PPM1H: variants seen among roughly 807,000 people sequenced by gnomAD.
The protein encoded by PPM1H is protein phosphatase, Mg2+/Mn2+ dependent 1H, also known as protein phosphatase 1H.
A neutral mutation model predicts 54.9 loss-of-function variants in PPM1H; 27 were observed. The observed-to-expected ratio is 0.49, with a 90% CI of 0.36 to 0.68. The LOEUF is 0.68. Ranked by LOEUF, PPM1H falls within the 30% of genes least tolerant of loss-of-function variation. The probability of loss-of-function intolerance (pLI) is 0.00; values close to 1 mark genes in which losing one functional copy is unlikely to be tolerated. For synonymous variants in PPM1H, 305 were observed against 270.8 expected (o/e 1.13, Z -1.24); for missense variants, 596 against 667.8 (o/e 0.89, Z 1.19).
intron 6 of PPM1H, among the ~76,000 whole-genome samples, chr12:62,702,924 G>A (rs2076152114): frequency 6.6e-6 from 1 of 152,204 alleles, no homozygotes; most frequent in South Asian, 2.1e-4. Context: ...ATCGTCATGT[G>A]AACTGGCTGT....
chr12:62,646,934 T>A lies in PPM1H; in HGVS notation c.*1555A>T, dbSNP rs569742971. The A allele has an allele frequency of 6.6e-6, 1 of 152,226 alleles. No individual in the cohort carries two copies. Among genetic ancestry groups the A allele is most frequent in the Non-Finnish European group, 1.5e-5 (1 of 68,040 alleles). The allele number at this position is 152,226 out of a possible 1,614,324, so 9.4% of individuals were successfully genotyped here. A position where few individuals can be genotyped will look rare whatever the true frequency, so the allele number is the denominator to read the frequency against. On this transcript the variant is annotated 3_prime_UTR_variant, in exon 10 of 10. Transcript: ENST00000228705. ...AATATGAGAACTGGAATTAGCTCTC[T>A]AGCATGCTGGGGGGGTCACGTCAGT...
intron 6 of PPM1H, among the ~76,000 whole-genome samples, chr12:62,697,569 C>T (rs1195891533): frequency 6.6e-6 from 1 of 152,064 alleles, no homozygotes; most frequent in Non-Finnish European, 1.5e-5. Flanking sequence ...TATTATAGTC[C>T]ATGTCAAGGC....
intron 2 of PPM1H, among the ~76,000 whole-genome samples, chr12:62,809,530 G>T (rs528847131): frequency 1.3e-5 from 2 of 152,188 alleles, no homozygotes; most frequent in Non-Finnish European, 2.9e-5. Context: ...CTTCATCAAG[G>T]TTAGGGGTCT....
chr12:62,798,956 C>A (rs1476947924), intron 3 of PPM1H, among the ~76,000 whole-genome samples: 2 of 152,214 alleles, frequency 1.3e-5, no homozygotes, highest in Non-Finnish European at 2.9e-5. Flanking sequence ...TATTTCCCCT[C>A]TCAAGGCTCC....
chr12:62,890,328 C>A (rs1019852394), intron 1 of PPM1H, among the ~76,000 whole-genome samples: 3 of 151,962 alleles, frequency 2.0e-5, no homozygotes, highest in African/African-American at 7.3e-5. Flanking sequence ...TGTGGTTGTG[C>A]ACACCTGTAG....
intron 6 of PPM1H, among the ~76,000 whole-genome samples, chr12:62,705,963 G>A (rs188942821): frequency 2.0e-5 from 3 of 152,236 alleles, no homozygotes; most frequent in African/African-American, 7.2e-5. Context: ...CCTCTGTGTC[G>A]GCCCTTGCGG....
chr12:62,796,495 T>C (rs1350542331), intron 3 of PPM1H, among the ~76,000 whole-genome samples: 1 of 152,222 alleles, frequency 6.6e-6, no homozygotes, highest in Non-Finnish European at 1.5e-5. Flanking sequence ...AAAAATTTAC[T>C]TACATTTGCT....
intron 1 of PPM1H, among the ~76,000 whole-genome samples, chr12:62,891,745 G>C (rs528782390): frequency 1.1e-4 from 16 of 152,266 alleles, no homozygotes; most frequent in Admixed American, 9.8e-4. Context: ...GTCGAGTCTT[G>C]CCGAAAGAAT....
chr12:62,669,216 T>A (rs953644931), intron 8 of PPM1H, among the ~76,000 whole-genome samples: 14 of 152,224 alleles, frequency 9.2e-5, no homozygotes, highest in Non-Finnish European at 1.9e-4. Flanking sequence ...GACCAGAAAG[T>A]CCCAAATGTC....
At chr12:62,672,333 C>T (rs900084969) in intron 8 of PPM1H, among the ~76,000 whole-genome samples, 1 of 152,184 alleles carries the variant, frequency 6.6e-6, no homozygotes, top group Non-Finnish European at 1.5e-5. Flanking sequence ...ATGATCTGAT[C>T]ACAACAAAGG....
At chr12:62,744,710 G>T (rs1269874643) in intron 4 of PPM1H, among the ~76,000 whole-genome samples, 1 of 152,268 alleles carries the variant, frequency 6.6e-6, no homozygotes, top group Non-Finnish European at 1.5e-5. Flanking sequence ...AGGCCTCACG[G>T]GGGAAGCTGC....
At chr12:62,824,197 T>G (rs1019051562) in intron 2 of PPM1H, among the ~76,000 whole-genome samples, 1 of 152,150 alleles carries the variant, frequency 6.6e-6, no homozygotes, top group Admixed American at 6.5e-5. Context: ...TTACAAGGGA[T>G]GTGAAGGGCC....
Position 62,667,223 on chromosome 12 carries a change from G to A in PPM1H, c.1352C>T (p.Ala451Val), listed in dbSNP as rs1443618515. 2 of 1,600,584 alleles carry A rather than the reference G, an allele frequency of 1.2e-6. No homozygotes were observed. Among genetic ancestry groups the A allele is most frequent in the Admixed American group, 1.7e-5 (1 of 59,952 alleles). Reference sequence around the variant, plus strand: ...ACAGTTAGGAAGAAACTGAGTGATTGCTTCTGCTACTTCTTCATTTGATAA... The same window carrying A: ...ACAGTTAGGAAGAAACTGAGTGATTACTTCTGCTACTTCTTCATTTGATAA... Reference protein sequence around the residue: ...DVLSNEEVAEAITQFLPNCDP... With the variant: ...DVLSNEEVAEVITQFLPNCDP... The change falls in exon 9 of 10, where the codon GCA (alanine) becomes GTA (valine). Residue 451 changes from alanine to valine, a missense_variant. Coordinates refer to ENST00000228705, the MANE Select transcript of PPM1H (RefSeq NM_020700.2).
At chr12:62,850,335 TA>T (rs1274140600) in intron 1 of PPM1H, among the ~76,000 whole-genome samples, 6 of 152,162 alleles carry the variant, frequency 3.9e-5, no homozygotes, top group African/African-American at 1.4e-4. Context: ...TTTTTGTAGT[TA>T]AAGATTTACT....
chr12:62,759,573 C>T (rs144742380), intron 4 of PPM1H, among the ~76,000 whole-genome samples: 170 of 152,318 alleles, frequency 1.1e-3, no homozygotes, highest in African/African-American at 3.8e-3. Flanking sequence ...TTAATCATTG[C>T]GGGGACGCCT....
At chr12:62,704,128 G>C (rs1188188572) in intron 6 of PPM1H, among the ~76,000 whole-genome samples, 1 of 151,892 alleles carries the variant, frequency 6.6e-6, no homozygotes, top group Non-Finnish European at 1.5e-5. Flanking sequence ...CTTTGCCTTT[G>C]GATGGAAACT....
At position 62,657,793 on chromosome 12, in the gene PPM1H, C is replaced by T. The variant is rs776988196; in HGVS notation, c.1398-9157G>A. On this transcript the variant is annotated intron_variant, in intron 9 of 9. Transcript: ENST00000228705. Reference sequence around the variant, plus strand: ...AACTAGCATTTAATACTTGAATTAACGCCTGTTGTCAGTGTTGGTGTTTTA... The same window carrying T: ...AACTAGCATTTAATACTTGAATTAATGCCTGTTGTCAGTGTTGGTGTTTTA... Among the ~76,000 whole-genome samples, 25 of 152,216 alleles carry T rather than the reference C, an allele frequency of 1.6e-4. 1 individual carries two copies. The highest frequency in any genetic ancestry group is 1.0e-3 in the South Asian group (5 of 4,824).
At chr12:62,886,923 G>A (rs769344410) in intron 1 of PPM1H, among the ~76,000 whole-genome samples, 1 of 152,224 alleles carries the variant, frequency 6.6e-6, no homozygotes, top group Non-Finnish European at 1.5e-5. Flanking sequence ...CCGGTGGCAG[G>A]TAGGCTGGAG....
chr12:62,671,337 C>T (rs1050043274), intron 8 of PPM1H, among the ~76,000 whole-genome samples: 2 of 152,088 alleles, frequency 1.3e-5, no homozygotes, highest in African/African-American at 2.4e-5. Context: ...GGTTCCCATC[C>T]ACCAAGAAAG....
Sources: gnomAD v4.1 joint callset for allele counts (sites outside exome capture counted in the v4.1 genomes callset) on GRCh38, gnomAD v4.1.1 for gene constraint, MANE v1.5 for transcripts, NCBI Gene and HGNC (gene_info 2026-07-23, HGNC 2026-07-21) for gene names.